NOTCH1: variants seen among roughly 807,000 people sequenced by gnomAD.
NOTCH1 encodes neurogenic locus notch homolog protein 1.
A neutral mutation model predicts 254.8 loss-of-function variants in NOTCH1; 37 were observed. The observed-to-expected ratio is 0.15, with a 90% CI of 0.11 to 0.19. NOTCH1 has a LOEUF of 0.19. Ranked by LOEUF, NOTCH1 falls within the 10% of genes least tolerant of loss-of-function variation. The probability of loss-of-function intolerance (pLI) is 1.00; values close to 1 mark genes in which losing one functional copy is unlikely to be tolerated. For missense variants in NOTCH1, 2,972 were observed against 3,708.6 expected (o/e 0.80, Z 5.16); for synonymous variants, 1,731 against 1,618.1 (o/e 1.07, Z -1.68).
intron 5 of NOTCH1, 126 bp from the exon 6 acceptor site, chr9:136,518,950 G>A (rs1473156380): frequency 6.5e-6 from 5 of 766,388 alleles, no homozygotes; most frequent in Non-Finnish European, 9.1e-6. Context: ...TCCACCCACC[G>A]CCAGCCTAAA....
rs766590096 is a variant in NOTCH1 at position 136,540,208 on chromosome 9, A to T, written c.140+3816T>A. ...CACATGTGAGCTAGGTGCCTCTCTCACGCCTTGCTGGGAAGTGAACTCCAC... is the reference window on the plus strand; with the variant it reads ...CACATGTGAGCTAGGTGCCTCTCTCTCGCCTTGCTGGGAAGTGAACTCCAC... On this transcript the variant is annotated intron_variant, in intron 2 of 33. Coordinates refer to ENST00000651671, the MANE Select transcript of NOTCH1 (RefSeq NM_017617.5). The surrounding 1 kb of genome is among the most constrained non-coding windows in gnomAD (Gnocchi z 4.4). 2.0e-5 allele frequency among the ~76,000 whole-genome samples: 3 copies of T among 152,120 alleles called. No individual in the cohort carries two copies. The highest frequency in any genetic ancestry group is 4.4e-5 in the Non-Finnish European group (3 of 68,022).
Position 136,507,097 on chromosome 9 carries a change from G to A in NOTCH1, c.3644-124C>T, listed in dbSNP as rs373589612. The A allele has an allele frequency of 6.1e-5, 91 of 1,487,724 alleles. 2 individuals are homozygous for A. In the East Asian group the frequency reaches 1.2e-3, roughly 19 times the overall value. The allele number at this position is 1,487,724 out of a possible 1,614,324, so 92.2% of individuals were successfully genotyped here. A position where few individuals can be genotyped will look rare whatever the true frequency, so the allele number is the denominator to read the frequency against. ...GCACGGACACTCGGGAGAGGCAGGT[G>A]TCAAGGGTGCCGTGGAGACGCCCTT... On this transcript the variant is annotated intron_variant, in intron 22 of 33. Coordinates refer to ENST00000651671, the MANE Select transcript of NOTCH1 (RefSeq NM_017617.5).
intron 2 of NOTCH1, among the ~76,000 whole-genome samples, chr9:136,530,292 C>G (rs992441961): frequency 6.6e-6 from 1 of 152,234 alleles, no homozygotes; most frequent in African/African-American, 2.4e-5. Flanking sequence ...TTAAAATGTG[C>G]GAAGGAGGAA....
chr9:136,495,631 G>T lies in NOTCH1; in HGVS notation c.*440C>A, dbSNP rs950311070. 1 of 401,830 alleles carries T rather than the reference G, an allele frequency of 2.5e-6. No homozygotes were observed. Among genetic ancestry groups the T allele is most frequent in the Non-Finnish European group, 4.4e-6 (1 of 228,212 alleles). 24.9% of individuals were successfully genotyped at this position (401,830 alleles called of 1,614,324 possible). On this transcript the variant is annotated 3_prime_UTR_variant, in exon 34 of 34. Coordinates refer to ENST00000651671, the MANE Select transcript of NOTCH1 (RefSeq NM_017617.5). ...GGCGTCGGGGAAAGGGCGCGGCCTG[G>T]ACGCCCCAGGAGCTTTTTGGACTAT...
chr9:136,499,291 T>A, intron 31 of NOTCH1, 32 bp from the exon 32 acceptor site: 1 of 1,609,394 alleles, frequency 6.2e-7, no homozygotes, highest in African/African-American at 1.3e-5. Context: ...AGGCGGGTGC[T>A]GGGCAGACGT....
At chr9:136,524,162 G>A (rs759959941) in intron 2 of NOTCH1, among the ~76,000 whole-genome samples, 183 bp from the exon 3 acceptor site, 3 of 152,220 alleles carry the variant, frequency 2.0e-5, no homozygotes, top group South Asian at 2.1e-4. Context: ...CACATGCCGC[G>A]ATTGCACAAC....
Position 136,523,975 on chromosome 9 carries a change from C to T in NOTCH1, c.145G>A (p.Gly49Ser), listed in dbSNP as rs2133379880. The change falls in exon 3 of 34, where the codon GGC becomes AGC. Residue 49 changes from glycine (G) to serine (S), a missense_variant. Physicochemically the swap from Gly to Ser is moderately conservative, Grantham distance 56. Transcript: ENST00000651671. ...AANGTEACVCGGAFVGPRCQD... is the reference protein window; with the variant it reads ...AANGTEACVCSGAFVGPRCQD... ...CATCGCGGGCCCACGAAGGCCCCGC[C>T]ACAGCTGTTGGCAGATGTGCCAGGG... 1.9e-6 allele frequency: 3 copies of T among 1,554,576 alleles called. No homozygotes were observed. The highest frequency in any genetic ancestry group is 2.6e-6 in the Non-Finnish European group (3 of 1,150,592).
rs758102692 is a variant in NOTCH1, at chr9:136,513,545, G to A, written c.2208-8C>T. ...TCACAGTCGCACTTGTACCTGCAAG[G>A]GGGACCACACTGCAGGTCGAGGGAG... On this transcript the variant is annotated splice_polypyrimidine_tract_variant and splice_region_variant and intron_variant, in intron 13 of 33. Transcript: ENST00000651671. This position sits in a 1 kb window ranked among gnomAD's most constrained non-coding sequence, Gnocchi z 4.7. 6.2e-7 allele frequency: 1 copy of A among 1,612,832 alleles called. No homozygotes were observed. Among genetic ancestry groups the A allele is most frequent in the East Asian group, 2.2e-5 (1 of 44,874 alleles).
rs200630233 is a variant in NOTCH1 at position 136,497,169 on chromosome 9, C to G, written c.6570G>C (p.Leu2190=). ...RKKSQDGKGC[L]LDSSGMLSPV... ...GCGAGAGCATGCCGGAGCTGTCCAG[C>G]AGGCAGCCCTTGCCGTCCTGGGACT... is the stretch of plus-strand genomic sequence containing the variant. Residue 2190 remains leucine, a synonymous_variant, in exon 34 of 34, where the codon CTG becomes CTC. Coordinates refer to ENST00000651671, the MANE Select transcript of NOTCH1 (RefSeq NM_017617.5). The G allele has an allele frequency of 5.0e-6, 8 of 1,612,802 alleles. No individual in the cohort carries two copies. Among genetic ancestry groups the G allele is most frequent in the Middle Eastern group, 1.6e-4 (1 of 6,062 alleles).
At chr9:136,537,719 C>A (rs1843676317) in intron 2 of NOTCH1, among the ~76,000 whole-genome samples, 1 of 152,246 alleles carries the variant, frequency 6.6e-6, no homozygotes, top group Non-Finnish European at 1.5e-5. Context: ...TCGCTTGAGC[C>A]CAGGAGTTTG....
At chr9:136,511,462 TG>T (rs1053617227) in intron 15 of NOTCH1, among the ~76,000 whole-genome samples, 191 bp from the exon 16 acceptor site, 4 of 151,598 alleles carry the variant, frequency 2.6e-5, no homozygotes, top group African/African-American at 9.7e-5. Context: ...GGAGCACAGA[TG>T]GGGGGACGCT....
intron 2 of NOTCH1, among the ~76,000 whole-genome samples, chr9:136,531,444 G>C (rs979928606): frequency 2.6e-5 from 4 of 152,186 alleles, no homozygotes; most frequent in African/African-American, 9.7e-5. Context: ...CGTGTCCCCC[G>C]CACCCCCAGC....
rs201620755 is a variant in NOTCH1, at chr9:136,513,054, C to G, written c.2434G>C (p.Gly812Arg). 4 of 1,612,330 alleles carry G rather than the reference C, an allele frequency of 2.5e-6. No individual in the cohort carries two copies. The highest frequency in any genetic ancestry group is 1.1e-5 in the South Asian group (1 of 91,042). ...NQGTCIDDVAGYKCNCLLPYT... is the reference protein window; with the variant it reads ...NQGTCIDDVARYKCNCLLPYT... ...GGCAGCAGGCAGTTGCACTTGTACC[C>G]GGCAACGTCGTCAATACACGTGCCC... The change falls in exon 15 of 34, where the codon GGG becomes CGG. Residue 812 changes from glycine to arginine, a missense_variant. Gly to Arg is a moderately radical substitution (Grantham distance 125). Coordinates refer to ENST00000651671, the MANE Select transcript of NOTCH1 (RefSeq NM_017617.5). This position sits in a 1 kb window ranked among gnomAD's most constrained non-coding sequence, Gnocchi z 4.7.
chr9:136,527,541 G>A (rs1460833791), intron 2 of NOTCH1, among the ~76,000 whole-genome samples: 1 of 152,212 alleles, frequency 6.6e-6, no homozygotes, highest in Admixed American at 6.5e-5. Flanking sequence ...TATCAGGGGC[G>A]GTGGGGAGAC....
intron 26 of NOTCH1, 37 bp downstream of exon 26, chr9:136,504,636 T>C: frequency 6.8e-7 from 1 of 1,479,554 alleles, no homozygotes. Context: ...CCCAGGAGAG[T>C]TGCGGGGATT....
chr9:136,529,739 G>A (rs1442710930), intron 2 of NOTCH1, among the ~76,000 whole-genome samples: 1 of 152,260 alleles, frequency 6.6e-6, no homozygotes, highest in Non-Finnish European at 1.5e-5. Flanking sequence ...TGCAGCCGCT[G>A]GGTCTTTCTT....
Position 136,535,555 on chromosome 9 carries a change from G to A in NOTCH1, c.140+8469C>T, listed in dbSNP as rs199976980. 6.3e-4 allele frequency among the ~76,000 whole-genome samples: 48 copies of A among 76,482 alleles called. 1 individual carries two copies. Among genetic ancestry groups the A allele is most frequent in the African/African-American group, 3.1e-3 (28 of 9,154 alleles). 50.2% of individuals were successfully genotyped at this position (76,482 alleles called of 152,430 possible). On this transcript the variant is annotated intron_variant, in intron 2 of 33. Transcript: ENST00000651671. Reference sequence around the variant, plus strand: ...ACTCAGGATCCCTCCCGGGGCAATGGGTGCATGGTGGGTGGAGGGGGGAGC... The same window carrying A: ...ACTCAGGATCCCTCCCGGGGCAATGAGTGCATGGTGGGTGGAGGGGGGAGC...
At chr9:136,509,123 C>G in intron 18 of NOTCH1, 52 bp from the exon 19 acceptor site, 1 of 1,489,558 alleles carries the variant, frequency 6.7e-7, no homozygotes, top group South Asian at 1.2e-5. Context: ...GGTGGGTCCC[C>G]GCTCCAGCAG....
intron 30 of NOTCH1, among the ~76,000 whole-genome samples, chr9:136,501,485 A>G (rs189471417): frequency 2.0e-5 from 3 of 152,038 alleles, no homozygotes; most frequent in Admixed American, 6.5e-5. Flanking sequence ...AACGCTTTCC[A>G]TGTCTCAAGA....
Sources: allele counts gnomAD v4.1 joint callset (sites outside exome capture counted in the v4.1 genomes callset), GRCh38; gene constraint gnomAD v4.1.1; non-coding constraint Gnocchi (gnomAD v3.1); transcripts MANE v1.5; gene names NCBI Gene and HGNC (gene_info 2026-07-23, HGNC 2026-07-21).